The following ABTB1 variants were observed in gnomAD, a reference collection of about 807,000 sequenced individuals.
ABTB1 encodes the protein ankyrin repeat and BTB domain containing 1, also known as ankyrin repeat and BTB/POZ domain-containing protein 1.
A neutral mutation model predicts 57.1 loss-of-function variants in ABTB1; 45 were observed. The observed-to-expected ratio is 0.79, with a 90% CI of 0.62 to 1.01. ABTB1 has a LOEUF of 1.01. Among genes scored for constraint, ABTB1 ranks in the 50% least tolerant of loss-of-function variants. ABTB1 has a pLI of 0.00. For synonymous variants in ABTB1, 302 were observed against 275.4 expected (o/e 1.10, Z -0.95); for missense variants, 630 against 666.3 (o/e 0.95, Z 0.60).
chr3:127,673,800 T>A (rs1243481850), intron 1 of ABTB1, among the ~76,000 whole-genome samples: 1 of 152,228 alleles, frequency 6.6e-6, no homozygotes, highest in East Asian at 1.9e-4. Flanking sequence ...CAAGAGTTAG[T>A]GCATAGTGTC....
chr3:127,673,175 G>C, intron 1 of ABTB1, 94 bp downstream of exon 1: 1 of 1,312,238 alleles, frequency 7.6e-7, no homozygotes, highest in Non-Finnish European at 9.9e-7. Context: ...CCGCGGAGAG[G>C]CGGGCGCCTC....
In ABTB1 at chr3:127,680,626, G is replaced by T; in HGVS notation, c.*151G>T. ...AGTGGGGCTTCTCTTCCCTCCATGA[G>T]CCTGGAGACCCCAGGGGAGGATCCA... On this transcript the variant is annotated 3_prime_UTR_variant, in exon 12 of 12. Coordinates refer to ENST00000232744, the MANE Select transcript of ABTB1 (RefSeq NM_172027.3). 1.0e-6 allele frequency: 1 copy of T among 986,240 alleles called. No homozygotes were observed. Among genetic ancestry groups the T allele is most frequent in the Non-Finnish European group, 1.6e-6 (1 of 630,276 alleles). The allele number at this position is 986,240 out of a possible 1,614,324, so 61.1% of individuals were successfully genotyped here.
chr3:127,673,064 G>A lies in ABTB1; in HGVS notation c.39G>A (p.Gly13=), dbSNP rs1421052010. Residue 13 remains glycine (G), a synonymous_variant, in exon 1 of 12, where the codon GGG becomes GGA. Coordinates refer to ENST00000232744, the MANE Select transcript of ABTB1 (RefSeq NM_172027.3). ...ACCTGTTCGCCAGCTGCAGGAAGGG[G>A]GATGTGGGCCGAGTGCGGTGAGGAC... ...TSDLFASCRK[G]DVGRVRYLLE... is the part of the protein sequence containing the mutation. 2 of 1,576,178 alleles carry A rather than the reference G, an allele frequency of 1.3e-6. No individual in the cohort carries two copies.
intron 10 of ABTB1, 150 bp downstream of exon 10, chr3:127,677,993 T>C (rs375693264): frequency 9.5e-7 from 1 of 1,054,012 alleles, no homozygotes; most frequent in Non-Finnish European, 1.3e-6. Flanking sequence ...TGTGGGACTT[T>C]GGATTTTTCT....
Position 127,680,782 on chromosome 3 carries a change from C to G in ABTB1, c.*307C>G, listed in dbSNP as rs1321319238. The G allele has an allele frequency of 6.0e-6, 4 of 662,580 alleles. No homozygotes were observed. The East Asian group carries it at 1.0e-4, about 17-fold the overall frequency. The allele number at this position is 662,580 out of a possible 1,614,324, so 41.0% of individuals were successfully genotyped here. ...CTTTCCTTCTCCAGATCCCCCCTAC[C>G]CACCCCAGTCCCAAATCCAGTCCTC... On this transcript the variant is annotated 3_prime_UTR_variant, in exon 12 of 12. Transcript: ENST00000232744.
Position 127,677,754 on chromosome 3 carries a change from TC to T in ABTB1, c.941del (p.Ser314Ter). The part of the protein sequence containing the change: ...HFRESEEPAT[S>X]GGPPAVTLHG... ...CCGAGAGAGCGAGGAGCCAGCGACC[TC>T]AGGGGGCCCCCCAGCCGTCACCCTG... On this transcript the variant is annotated frameshift_variant, in exon 10 of 12. Transcript: ENST00000232744. LOFTEE classifies it high-confidence loss of function. 3.1e-6 allele frequency: 5 copies of T among 1,611,458 alleles called. No individual in the cohort carries two copies. Among genetic ancestry groups the T allele is most frequent in the Non-Finnish European group, 4.2e-6 (5 of 1,179,090 alleles).
Position 127,673,036 on chromosome 3 carries a change from G to A in ABTB1, c.11G>A (p.Ser4Asn), listed in dbSNP as rs754591894. Residue 4 changes from serine to asparagine, a missense_variant, in exon 1 of 12, where the codon AGC becomes AAC. Ser to Asn is a conservative substitution (Grantham distance 46, BLOSUM62 1). Transcript: ENST00000232744. MDT[S>N]DLFASCRKGD... Reference sequence around the variant, plus strand: ...ACCATCCTCCGCGCCATGGACACCAGCGACCTGTTCGCCAGCTGCAGGAAG... The same window carrying A: ...ACCATCCTCCGCGCCATGGACACCAACGACCTGTTCGCCAGCTGCAGGAAG... The A allele has an allele frequency of 7.0e-6, 11 of 1,573,060 alleles. No homozygotes were observed. Among genetic ancestry groups the A allele is most frequent in the Non-Finnish European group, 8.6e-6 (10 of 1,159,706 alleles).
Position 127,680,639 on chromosome 3 carries a change from A to C in ABTB1, c.*164A>C, listed in dbSNP as rs1323349033. ...TTCCCTCCATGAGCCTGGAGACCCC[A>C]GGGGAGGATCCATTTGGGATGAGCC... On this transcript the variant is annotated 3_prime_UTR_variant, in exon 12 of 12. Coordinates refer to ENST00000232744, the MANE Select transcript of ABTB1 (RefSeq NM_172027.3). The C allele has an allele frequency of 2.2e-6, 2 of 914,978 alleles. No individual in the cohort carries two copies. The highest frequency in any genetic ancestry group is 3.5e-6 in the Non-Finnish European group (2 of 570,460). 56.7% of individuals were successfully genotyped at this position (914,978 alleles called of 1,614,324 possible).
intron 10 of ABTB1, chr3:127,678,710 G>C (rs9859117): frequency 0.17 from 26,105 of 152,274 alleles, 2,579 homozygotes; most frequent in Non-Finnish European, 0.2. Flanking sequence ...ATGGAGATTG[G>C]GTCCTAGGCA....
In ABTB1 at chr3:127,676,690, C is replaced by T. The variant is rs1345985350; in HGVS notation, c.526+109C>T. Reference sequence around the variant, plus strand: ...CTTTCACCTCTAGACACTTCATGGTCCCCCCGGGGTGGTTCCAGCTGCCTC... The same window carrying T: ...CTTTCACCTCTAGACACTTCATGGTTCCCCCGGGGTGGTTCCAGCTGCCTC... On this transcript the variant is annotated intron_variant, in intron 6 of 11. Transcript: ENST00000232744. The surrounding 1 kb of genome is among the most constrained non-coding windows in gnomAD (Gnocchi z 5.4). 2.8e-6 allele frequency: 4 copies of T among 1,428,020 alleles called. No individual in the cohort carries two copies. Among genetic ancestry groups the T allele is most frequent in the East Asian group, 2.3e-5 (1 of 43,190 alleles). The allele number at this position is 1,428,020 out of a possible 1,614,324, so 88.5% of individuals were successfully genotyped here.
rs577058032 is a variant in ABTB1, at chr3:127,677,121, G to T, written c.643+38G>T. The T allele has an allele frequency of 1.1e-5, 17 of 1,613,290 alleles. No homozygotes were observed. The African/African-American group carries it at 2.0e-4, about 19-fold the overall frequency. ...TTTGGGGCCCGGGGCCATGGGTGCG[G>T]CCTGGCAGGGCTGGCCTGGCTCCCT... On this transcript the variant is annotated intron_variant, in intron 7 of 11. Transcript: ENST00000232744.
chr3:127,677,163 T>C lies in ABTB1; in HGVS notation c.644-5T>C, dbSNP rs986857998. 6.2e-7 allele frequency: 1 copy of C among 1,613,498 alleles called. No individual in the cohort carries two copies. Among genetic ancestry groups the C allele is most frequent in the Middle Eastern group, 1.7e-4 (1 of 6,056 alleles). On this transcript the variant is annotated splice_region_variant and splice_polypyrimidine_tract_variant and intron_variant, in intron 7 of 11. Transcript: ENST00000232744. ...TGGCTCCCTGAAGTTGTTCTTCCCC[T>C]GTAGTGGCGTCTAAGCCAGGCACGT...
At chr3:127,675,670 T>C in intron 3 of ABTB1, 1 of 455,388 alleles carries the variant, frequency 2.2e-6, no homozygotes, top group South Asian at 2.9e-5. Context: ...GGGACCTGTG[T>C]CTCGTTCACT....
At chr3:127,673,864 G>A (rs2074910679) in intron 1 of ABTB1, among the ~76,000 whole-genome samples, 1 of 152,200 alleles carries the variant, frequency 6.6e-6, no homozygotes, top group Non-Finnish European at 1.5e-5. Context: ...CCTCCTTTGG[G>A]CTGCCCCCGC....
At chr3:127,674,722 C>A in intron 3 of ABTB1, 122 bp downstream of exon 3, 1 of 1,185,898 alleles carries the variant, frequency 8.4e-7, no homozygotes, top group Non-Finnish European at 1.2e-6. Context: ...CACGATTCCT[C>A]TCTTACCACC....
Position 127,673,054 on chromosome 3 carries a change from G to A in ABTB1, c.29G>A (p.Cys10Tyr). 6.3e-7 allele frequency: 1 copy of A among 1,576,766 alleles called. No homozygotes were observed. The highest frequency in any genetic ancestry group is 8.6e-7 in the Non-Finnish European group (1 of 1,161,518). MDTSDLFAS[C>Y]RKGDVGRVRY... ...GACACCAGCGACCTGTTCGCCAGCT[G>A]CAGGAAGGGGGATGTGGGCCGAGTG... Residue 10 changes from cysteine (C) to tyrosine (Y), a missense_variant, in exon 1 of 12, where the codon TGC (cysteine) becomes TAC (tyrosine). Around this residue, in one of 3 missense-constraint regions of ABTB1, gnomAD observed 579 missense variants for 585.9 expected, o/e 0.99. Coordinates refer to ENST00000232744, the MANE Select transcript of ABTB1 (RefSeq NM_172027.3).
In ABTB1 at chr3:127,680,643, G is replaced by T. The variant is rs561183182; in HGVS notation, c.*168G>T. On this transcript the variant is annotated 3_prime_UTR_variant, in exon 12 of 12. Coordinates refer to ENST00000232744, the MANE Select transcript of ABTB1 (RefSeq NM_172027.3). ...CTCCATGAGCCTGGAGACCCCAGGG[G>T]AGGATCCATTTGGGATGAGCCCCCT... 7.2e-5 allele frequency: 65 copies of T among 899,632 alleles called. No homozygotes were observed. Among genetic ancestry groups the T allele is most frequent in the Non-Finnish European group, 3.6e-6 (2 of 557,652 alleles). 55.7% of individuals were successfully genotyped at this position (899,632 alleles called of 1,614,324 possible).
Position 127,676,915 on chromosome 3 carries a change from G to T in ABTB1, c.527-52G>T. On this transcript the variant is annotated intron_variant, in intron 6 of 11. Coordinates refer to ENST00000232744, the MANE Select transcript of ABTB1 (RefSeq NM_172027.3). This position sits in a 1 kb window ranked among gnomAD's most constrained non-coding sequence, Gnocchi z 5.4. ...GGAGGGGATCACCCTTTTTCTGTGG[G>T]CCTGATGACAGCTGAGGTCCCGCAG... is the stretch of plus-strand genomic sequence containing the variant. The T allele has an allele frequency of 6.4e-7, 1 of 1,566,418 alleles. No individual in the cohort carries two copies. The highest frequency in any genetic ancestry group is 1.7e-5 in the Admixed American group (1 of 58,096).
rs1352345903 is a variant in ABTB1 at position 127,676,499 on chromosome 3, C to T, written c.481-37C>T. On this transcript the variant is annotated intron_variant, in intron 5 of 11. Transcript: ENST00000232744. The surrounding 1 kb of genome is among the most constrained non-coding windows in gnomAD (Gnocchi z 5.4). ...AACAGCAGGAGGTTGTGCTGGGTGG[C>T]TGCCTCTGACATTACTTTCTGGTTT... The T allele has an allele frequency of 1.2e-6, 2 of 1,614,156 alleles. No homozygotes were observed. Among genetic ancestry groups the T allele is most frequent in the South Asian group, 2.2e-5 (2 of 91,088 alleles).
Sources: allele counts gnomAD v4.1 joint callset (sites outside exome capture counted in the v4.1 genomes callset), GRCh38; gene constraint gnomAD v4.1.1; regional missense constraint gnomAD v4.1.1; non-coding constraint Gnocchi (gnomAD v3.1); transcripts MANE v1.5; gene names NCBI Gene and HGNC (gene_info 2026-07-23, HGNC 2026-07-21).